The following UBE2A variants were observed in gnomAD, a reference collection of about 807,000 sequenced individuals.
UBE2A encodes the protein ubiquitin conjugating enzyme E2 A, also known as ubiquitin-conjugating enzyme E2 A.
For synonymous variants in UBE2A, 39 were observed against 41.1 expected, an observed-to-expected ratio of 0.95 and a Z score of 0.20; for missense variants, 27 against 125.8, an observed-to-expected ratio of 0.21 and a Z score of 3.76.
At chrX:119,581,137 G>C (rs184789804) in intron 3 of UBE2A, 1 of 129,463 alleles carries the variant, frequency 7.7e-6, no homozygotes, top group Admixed American at 8.7e-5. Context: ...TCACTGGAGC[G>C]TTTAAGATGG....
chrX:119,582,541 C>T, intron 4 of UBE2A, 47 bp from the exon 5 acceptor site: 2 of 1,002,990 alleles, frequency 2.0e-6, no homozygotes, highest in Non-Finnish European at 1.4e-6. Flanking sequence ...AATGTTAAAA[C>T]CTTAGTGGTC....
intron 5 of UBE2A, 44 bp downstream of exon 5, chrX:119,582,720 TTA>T: frequency 3.1e-6 from 3 of 957,229 alleles, no homozygotes; most frequent in South Asian, 3.9e-5. Flanking sequence ...TTTAATATGT[TTA>T]TATTAGCAAT....
At chrX:119,582,470 C>A in intron 4 of UBE2A, 118 bp from the exon 5 acceptor site, 3 of 476,778 alleles carry the variant, frequency 6.3e-6, no homozygotes, top group Non-Finnish European at 1.1e-5. Flanking sequence ...AACTGGGAAG[C>A]AACATAGGAA....
At chrX:119,581,156 T>A (rs1177615265) in intron 3 of UBE2A, 1 of 138,784 alleles carries the variant, frequency 7.2e-6, no homozygotes, top group African/African-American at 3.2e-5. Flanking sequence ...GGCAGCTGAC[T>A]AACATAGGCC....
chrX:119,579,288 A>G (rs1210234327), intron 3 of UBE2A, among the ~76,000 whole-genome samples: 1 of 112,129 alleles, frequency 8.9e-6, no homozygotes, highest in African/African-American at 3.2e-5. Context: ...CTTGTGAGCC[A>G]CCAATATAGG....
intron 3 of UBE2A, among the ~76,000 whole-genome samples, chrX:119,578,723 T>G (rs1451796784): frequency 9.0e-6 from 1 of 111,512 alleles, no homozygotes. Flanking sequence ...ATATACCCCC[T>G]CTAGTTCAAC....
intron 3 of UBE2A, among the ~76,000 whole-genome samples, chrX:119,577,689 G>A (rs1396049315): frequency 1.2e-5 from 1 of 86,378 alleles, no homozygotes; most frequent in Non-Finnish European, 2.1e-5. Context: ...CACCCAGGCT[G>A]GAGTGCAGTG....
chrX:119,575,607 A>G, intron 3 of UBE2A: 2 of 461,664 alleles, frequency 4.3e-6, no homozygotes, highest in South Asian at 3.4e-5. Context: ...GCTTTCTTAA[A>G]AAAAAAATCT....
rs1231977067 is a variant in UBE2A at position 119,583,305 on chromosome X, G to A, written c.*50G>A. On this transcript the variant is annotated 3_prime_UTR_variant, in exon 6 of 6. Coordinates refer to ENST00000371558, the MANE Select transcript of UBE2A (RefSeq NM_003336.4). ...GGCCATAAGAAAAATATATATTGAT[G>A]TGTTTGTCACCTCCCTACTCCTGTC... 2.5e-6 allele frequency: 3 copies of A among 1,203,295 alleles called. No homozygotes were observed. The highest frequency in any genetic ancestry group is 2.2e-5 in the Admixed American group (1 of 45,947).
At chrX:119,574,807 G>T (rs759668575) in intron 1 of UBE2A, 52 bp downstream of exon 1, 1 of 1,188,732 alleles carries the variant, frequency 8.4e-7, no homozygotes, top group Non-Finnish European at 1.1e-6. Flanking sequence ...GGCACAGGGC[G>T]GGTCCCGAGG....
At chrX:119,577,056 T>C (rs2053420398) in intron 3 of UBE2A, 1 of 111,592 alleles carries the variant, frequency 9.0e-6, no homozygotes, top group African/African-American at 3.3e-5. Context: ...CCTGAGTAGC[T>C]GGGATTACAG....
At chrX:119,581,246 T>C (rs2053448709) in intron 3 of UBE2A, 1 of 242,230 alleles carries the variant, frequency 4.1e-6, no homozygotes, top group South Asian at 8.7e-5. Context: ...AAATGTACAG[T>C]GGCTAAAATC....
intron 3 of UBE2A, among the ~76,000 whole-genome samples, chrX:119,579,310 C>G (rs1002249118): frequency 1.8e-5 from 2 of 111,953 alleles, no homozygotes; most frequent in Non-Finnish European, 3.8e-5. Context: ...ACTCAACTTG[C>G]TTTGAACTGT....
chrX:119,582,698 C>G (rs112574846), intron 5 of UBE2A, 22 bp downstream of exon 5: 1 of 1,067,241 alleles, frequency 9.4e-7, no homozygotes, highest in South Asian at 1.9e-5. Context: ...CTTAATGTGA[C>G]GAACTATAAC....
chrX:119,574,572 C>A lies in UBE2A; in HGVS notation c.-140C>A. 1.1e-6 allele frequency: 1 copy of A among 871,798 alleles called. No individual in the cohort carries two copies. The highest frequency in any genetic ancestry group is 1.6e-6 in the Non-Finnish European group (1 of 612,995). The allele number at this position is 871,798 out of a possible 1,213,427, so 71.8% of individuals were successfully genotyped here. ...GTGCTTAGCCGGCGCCAGACCGACC[C>A]TCGACTTCGGAGAGGCAGCGCGGTT... is the stretch of plus-strand genomic sequence containing the variant. On this transcript the variant is annotated 5_prime_UTR_variant, in exon 1 of 6. Coordinates refer to ENST00000371558, the MANE Select transcript of UBE2A (RefSeq NM_003336.4).
chrX:119,575,055 C>A, intron 2 of UBE2A, 74 bp downstream of exon 2: 1 of 1,158,467 alleles, frequency 8.6e-7, no homozygotes, highest in Middle Eastern at 2.4e-4. Flanking sequence ...CGGGGCGGGC[C>A]CCCCGCGGAG....
Position 119,583,401 on chromosome X carries a change from C to A in UBE2A, c.*146C>A. 1.2e-6 allele frequency: 1 copy of A among 816,651 alleles called. No individual in the cohort carries two copies. The highest frequency in any genetic ancestry group is 1.8e-6 in the Non-Finnish European group (1 of 566,287). The allele number at this position is 816,651 out of a possible 1,213,427, so 67.3% of individuals were successfully genotyped here. A position where few individuals can be genotyped will look rare whatever the true frequency, so the allele number is the denominator to read the frequency against. On this transcript the variant is annotated 3_prime_UTR_variant, in exon 6 of 6. Coordinates refer to ENST00000371558, the MANE Select transcript of UBE2A (RefSeq NM_003336.4). ...CATCTTCCTTGCCAAGTTTTCCTAC[C>A]CCTTCTACCCTCTCCTTAAACATCA...
intron 3 of UBE2A, 143 bp from the exon 4 acceptor site, chrX:119,581,364 T>C (rs1322864731): frequency 2.1e-5 from 9 of 431,109 alleles, no homozygotes; most frequent in Non-Finnish European, 3.3e-5. Flanking sequence ...TTCCTAGAGA[T>C]GTATTTCTTA....
At chrX:119,577,222 G>A (rs935406503) in intron 3 of UBE2A, among the ~76,000 whole-genome samples, 11 of 112,024 alleles carry the variant, frequency 9.8e-5, no homozygotes, top group Non-Finnish European at 5.6e-5. Context: ...CGCACCCGGC[G>A]AGCACTAGTT....
Sources: gnomAD v4.1 joint callset for allele counts (sites outside exome capture counted in the v4.1 genomes callset) on GRCh38, gnomAD v4.1.1 for gene constraint, MANE v1.5 for transcripts, NCBI Gene and HGNC (gene_info 2026-07-23, HGNC 2026-07-21) for gene names.